Variants in SLMAP observed in about 807,000 individuals in gnomAD.
SLMAP encodes sarcolemma associated protein, also known as sarcolemmal membrane-associated protein.
Under a neutral mutation model 128.8 loss-of-function variants are expected in SLMAP, and 44 were observed. The ratio of observed to expected loss-of-function variants is 0.34; its 90% CI spans 0.27 to 0.44. The LOEUF (loss-of-function observed/expected upper bound fraction) is 0.44. Among genes scored for constraint, SLMAP ranks in the 20% least tolerant of loss-of-function variants. The pLI, the probability that SLMAP is intolerant of heterozygous loss-of-function variation, is 1.00. For synonymous variants in SLMAP, 327 were observed against 348.8 expected (o/e 0.94, Z 0.70); for missense variants, 787 against 985.3 (o/e 0.80, Z 2.69).
At chr3:57,848,428 CT>C (rs1180308482) in intron 5 of SLMAP, among the ~76,000 whole-genome samples, 6 of 150,578 alleles carry the variant, frequency 4.0e-5, no homozygotes, top group East Asian at 2.0e-4. Flanking sequence ...CTTCTTCCTT[CT>C]TTTTTCTTCT....
At chr3:57,768,071 A>G (rs192301248) in intron 2 of SLMAP, among the ~76,000 whole-genome samples, 205 of 152,344 alleles carry the variant, frequency 1.3e-3, no homozygotes, top group African/African-American at 4.3e-3. Context: ...TATGAAAATG[A>G]ATGAAACAGC....
intron 6 of SLMAP, among the ~76,000 whole-genome samples, chr3:57,857,216 T>C (rs1479250373): frequency 1.3e-5 from 2 of 152,176 alleles, no homozygotes; most frequent in Non-Finnish European, 2.9e-5. Flanking sequence ...CTAATAGCAG[T>C]ACTTTCAGCC....
At chr3:57,924,147 C>T (rs914063313) in intron 23 of SLMAP, among the ~76,000 whole-genome samples, 3 of 152,144 alleles carry the variant, frequency 2.0e-5, no homozygotes, top group African/African-American at 7.2e-5. Flanking sequence ...TGGATCTCCC[C>T]ATACTATTTA....
At chr3:57,797,745 TTAAA>T (rs1286901733) in intron 2 of SLMAP, among the ~76,000 whole-genome samples, 1 of 152,236 alleles carries the variant, frequency 6.6e-6, no homozygotes, top group East Asian at 1.9e-4. Context: ...AGTTATGTTA[TTAAA>T]TAGTTAGAAA....
chr3:57,896,769 T>A, intron 16 of SLMAP, 104 bp from the exon 17 acceptor site: 1 of 1,411,662 alleles, frequency 7.1e-7, no homozygotes, highest in East Asian at 2.3e-5. Flanking sequence ...ACTACCCGAA[T>A]ATAATAGCTG....
intron 2 of SLMAP, among the ~76,000 whole-genome samples, chr3:57,809,714 C>T (rs142187285): frequency 6.1e-4 from 93 of 152,282 alleles, no homozygotes; most frequent in African/African-American, 2.1e-3. Context: ...GACCAACTGG[C>T]TCACATTTCC....
chr3:57,807,063 T>C (rs1033315459), intron 2 of SLMAP, among the ~76,000 whole-genome samples: 12 of 152,232 alleles, frequency 7.9e-5, no homozygotes, highest in Non-Finnish European at 1.6e-4. Flanking sequence ...ACATTCTGAC[T>C]GGTGTGAGAT....
chr3:57,841,300 T>TA lies in SLMAP; in HGVS notation c.349dup (p.Thr117AsnfsTer35). On this transcript the variant is annotated frameshift_variant and splice_region_variant, in exon 4 of 25. Coordinates refer to ENST00000671191, the MANE Select transcript of SLMAP (RefSeq NM_001377540.1). LOFTEE classifies it high-confidence loss of function. ...ATATTATTTGTTTGTTTCAACCAGT[T>TA]ACCCATGGGTGTATTGTTTCCACAA... 1 of 1,587,220 alleles carries TA rather than the reference T, an allele frequency of 6.3e-7. No homozygotes were observed. The highest frequency in any genetic ancestry group is 8.6e-7 in the Non-Finnish European group (1 of 1,162,772).
At position 57,912,662 on chromosome 3, in the gene SLMAP, T is replaced by C. The variant is rs377642210; in HGVS notation, c.1981T>C (p.Cys661Arg). ...CAGTTTTCAGCTTAGATGTCAACAG[T>C]GTGAGGACCAGCAGAGAGAAGAAGC... ...QNSFQLRCQQ[C>R]EDQQREEATR... The change falls in exon 20 of 25, where the codon TGT becomes CGT. Residue 661 changes from cysteine (C) to arginine (R), a missense_variant. Cys to Arg is a radical substitution (Grantham distance 180). Coordinates refer to ENST00000671191, the MANE Select transcript of SLMAP (RefSeq NM_001377540.1). 2.5e-6 allele frequency: 4 copies of C among 1,613,806 alleles called. No homozygotes were observed. The highest frequency in any genetic ancestry group is 1.7e-6 in the Non-Finnish European group (2 of 1,179,822).
chr3:57,776,506 T>TTTTCTC (rs553537672), intron 2 of SLMAP, among the ~76,000 whole-genome samples: 2 of 129,016 alleles, frequency 1.6e-5, no homozygotes, highest in Admixed American at 8.5e-5. Flanking sequence ...GATTTGTCCC[T>TTTTCTC]TCTCTCTCTC....
chr3:57,876,768 C>T (rs766289170), intron 14 of SLMAP, among the ~76,000 whole-genome samples: 5 of 152,144 alleles, frequency 3.3e-5, no homozygotes, highest in South Asian at 2.1e-4. Context: ...AACTTGTACG[C>T]GTGGTGGAAA....
At chr3:57,885,208 G>A (rs1232509731) in intron 14 of SLMAP, among the ~76,000 whole-genome samples, 2 of 151,544 alleles carry the variant, frequency 1.3e-5, no homozygotes, top group African/African-American at 4.9e-5. Context: ...GAGTAGCTGG[G>A]ATTATAGGCA....
intron 2 of SLMAP, among the ~76,000 whole-genome samples, chr3:57,766,022 G>A (rs549241630): frequency 4.9e-5 from 7 of 143,976 alleles, no homozygotes; most frequent in Admixed American, 3.5e-4. Context: ...TTTTTGAGAC[G>A]GAGTCTTGCT....
At chr3:57,916,837 A>G in intron 21 of SLMAP, 69 bp from the exon 22 acceptor site, 2 of 1,294,856 alleles carry the variant, frequency 1.5e-6, no homozygotes, top group Non-Finnish European at 2.2e-6. Context: ...GAAATGTATA[A>G]GAAACTGGAC....
intron 2 of SLMAP, among the ~76,000 whole-genome samples, chr3:57,781,315 G>A (rs2083014409): frequency 6.6e-6 from 1 of 152,180 alleles, no homozygotes; most frequent in Non-Finnish European, 1.5e-5. Flanking sequence ...TGATTAAAGG[G>A]ATATAAAATA....
At chr3:57,794,443 C>T (rs2086240886) in intron 2 of SLMAP, among the ~76,000 whole-genome samples, 1 of 152,090 alleles carries the variant, frequency 6.6e-6, no homozygotes, top group South Asian at 2.1e-4. Flanking sequence ...AATTTCTCAA[C>T]CATTTTAGTT....
At chr3:57,909,590 A>G (rs1259314701) in intron 19 of SLMAP, among the ~76,000 whole-genome samples, 1 of 151,944 alleles carries the variant, frequency 6.6e-6, no homozygotes, top group African/African-American at 2.4e-5. Context: ...TCACATTTCA[A>G]CACGGCTCTT....
At chr3:57,910,573 A>G (rs982680192) in intron 19 of SLMAP, among the ~76,000 whole-genome samples, 25 of 152,200 alleles carry the variant, frequency 1.6e-4, no homozygotes, top group Middle Eastern at 3.4e-3. Context: ...CCATTTTGCT[A>G]TTTCTTTGTC....
chr3:57,913,723 G>A (rs1171299708), intron 21 of SLMAP, among the ~76,000 whole-genome samples: 1 of 152,206 alleles, frequency 6.6e-6, no homozygotes, highest in Non-Finnish European at 1.5e-5. Flanking sequence ...TTGGGAGGCT[G>A]AGGTGGGAGG....
Sources: allele counts gnomAD v4.1 joint callset (sites outside exome capture counted in the v4.1 genomes callset), GRCh38; gene constraint gnomAD v4.1.1; transcripts MANE v1.5; gene names NCBI Gene and HGNC (gene_info 2026-07-23, HGNC 2026-07-21).